The following WNT7B variants were observed in gnomAD, a reference collection of about 807,000 sequenced individuals.
WNT7B encodes the protein Wnt family member 7B, also known as protein Wnt-7b.
In WNT7B, 19 loss-of-function variants were observed where a neutral mutation model predicts 38.2. The ratio of observed to expected loss-of-function variants is 0.50; its 90% CI spans 0.35 to 0.73. The LOEUF is 0.73. Among genes scored for constraint, WNT7B ranks in the 30% least tolerant of loss-of-function variants. The probability of loss-of-function intolerance (pLI) is 0.01; values close to 1 mark genes in which losing one functional copy is unlikely to be tolerated. For synonymous variants in WNT7B, 243 were observed against 209.3 expected (o/e 1.16, Z -1.39); for missense variants, 423 against 507.9 (o/e 0.83, Z 1.61).
At chr22:45,927,310 G>A (rs1361194884) in intron 3 of WNT7B, 2 of 985,266 alleles carry the variant, frequency 2.0e-6, no homozygotes, top group Admixed American at 6.1e-5. Flanking sequence ...CGCCCCCCAG[G>A]GAGCTTGGGG....
intron 2 of WNT7B, among the ~76,000 whole-genome samples, chr22:45,948,827 CTTTT>C (rs749735538): frequency 0.01 from 906 of 90,186 alleles, 28 homozygotes; most frequent in African/African-American, 0.033. Context: ...CCAAAGATCC[CTTTT>C]TTTTTTTTTT....
At chr22:45,931,976 C>T (rs1247243314) in intron 2 of WNT7B, among the ~76,000 whole-genome samples, 2 of 152,182 alleles carry the variant, frequency 1.3e-5, no homozygotes, top group African/African-American at 4.8e-5. Context: ...TTGGTCCACC[C>T]GCCTTCAGTC....
At chr22:45,950,228 CCT>C in intron 1 of WNT7B, 82 bp from the exon 2 acceptor site, 1 of 1,246,986 alleles carries the variant, frequency 8.0e-7, no homozygotes, top group East Asian at 2.5e-5. Flanking sequence ...CCCCACTCAG[CCT>C]CTCAGTCACA....
intron 1 of WNT7B, chr22:45,954,651 A>G: frequency 4.1e-6 from 4 of 985,450 alleles, no homozygotes; most frequent in Non-Finnish European, 4.8e-6. Flanking sequence ...GCATCAGGGA[A>G]TAGAATACAG....
chr22:45,922,689 C>G lies in WNT7B; in HGVS notation c.*167G>C. Reference sequence around the variant, plus strand: ...GTGGCAGGAAGGAGCCCCAGGGAGGCGGGCAGAGGGCGTGGGCCCCGGCCG... The same window carrying G: ...GTGGCAGGAAGGAGCCCCAGGGAGGGGGGCAGAGGGCGTGGGCCCCGGCCG... On this transcript the variant is annotated 3_prime_UTR_variant, in exon 4 of 4. Transcript: ENST00000339464. The G allele has an allele frequency of 9.0e-7, 1 of 1,117,064 alleles. No individual in the cohort carries two copies. Among genetic ancestry groups the G allele is most frequent in the Non-Finnish European group, 1.2e-6 (1 of 810,142 alleles). The allele number at this position is 1,117,064 out of a possible 1,614,324, so 69.2% of individuals were successfully genotyped here.
chr22:45,926,276 A>G, intron 3 of WNT7B: 3 of 985,334 alleles, frequency 3.0e-6, no homozygotes, highest in Non-Finnish European at 3.6e-6. Flanking sequence ...CCCCTGCCCC[A>G]AGAGACCACC....
Position 45,968,625 on chromosome 22 carries a change from C to T in WNT7B, c.71+8059G>A, listed in dbSNP as rs146588179. Among the ~76,000 whole-genome samples the T allele has an allele frequency of 2.2e-3, 329 of 152,348 alleles. 3 individuals carry two copies. Among genetic ancestry groups the T allele is most frequent in the African/African-American group, 7.3e-3 (304 of 41,594 alleles). Reference sequence around the variant, plus strand: ...CAGGACCTCCTGTCCTCCCTCTGCACACAGACGGTCCAGGATGCACATTCT... The same window carrying T: ...CAGGACCTCCTGTCCTCCCTCTGCATACAGACGGTCCAGGATGCACATTCT... On this transcript the variant is annotated intron_variant, in intron 1 of 3. Transcript: ENST00000339464.
At chr22:45,935,656 C>T (rs1021247208) in intron 2 of WNT7B, among the ~76,000 whole-genome samples, 1 of 152,198 alleles carries the variant, frequency 6.6e-6, no homozygotes, top group African/African-American at 2.4e-5. Flanking sequence ...TTTTCTGTAC[C>T]TCCCACCCAT....
At chr22:45,974,936 G>A (rs1043368138) in intron 1 of WNT7B, among the ~76,000 whole-genome samples, 25 of 152,258 alleles carry the variant, frequency 1.6e-4, no homozygotes, top group Middle Eastern at 3.4e-3. Context: ...AGGGTGGACC[G>A]TCAGCTCCTT....
intron 3 of WNT7B, chr22:45,927,539 C>T (rs201238058): frequency 7.8e-5 from 117 of 1,492,818 alleles, no homozygotes; most frequent in African/African-American, 7.1e-4. Flanking sequence ...AAGGAAACAA[C>T]GGAGAGGAGG....
chr22:45,943,357 G>A (rs969884712), intron 2 of WNT7B, among the ~76,000 whole-genome samples: 6 of 152,252 alleles, frequency 3.9e-5, no homozygotes, highest in Admixed American at 2.0e-4. Context: ...CCGTGCGCCC[G>A]AGGCCTTTGT....
chr22:45,947,517 T>G (rs1931825113), intron 2 of WNT7B, among the ~76,000 whole-genome samples: 1 of 151,974 alleles, frequency 6.6e-6, no homozygotes, highest in South Asian at 2.1e-4. Context: ...AGGCCAGAGG[T>G]TCGCATGGGT....
intron 2 of WNT7B, among the ~76,000 whole-genome samples, chr22:45,946,708 A>G (rs1488424569): frequency 6.6e-6 from 1 of 152,188 alleles, no homozygotes; most frequent in Non-Finnish European, 1.5e-5. Flanking sequence ...CCAGGGGCCC[A>G]GGGCAAAGCC....
At chr22:45,938,496 G>A (rs1931566098) in intron 2 of WNT7B, among the ~76,000 whole-genome samples, 1 of 152,114 alleles carries the variant, frequency 6.6e-6, no homozygotes, top group Non-Finnish European at 1.5e-5. Context: ...AATTAGCCAG[G>A]CGTGGTGGTG....
chr22:45,936,840 G>A (rs984596784), intron 2 of WNT7B, among the ~76,000 whole-genome samples: 1 of 152,238 alleles, frequency 6.6e-6, no homozygotes, highest in Non-Finnish European at 1.5e-5. Context: ...CCTGAACAAA[G>A]CCAGGGCTTG....
At chr22:45,928,354 C>G (rs2146707512) in intron 3 of WNT7B, among the ~76,000 whole-genome samples, 1 of 152,336 alleles carries the variant, frequency 6.6e-6, no homozygotes, top group East Asian at 1.9e-4. Flanking sequence ...CCACCCTCGG[C>G]CTTCTCCAAG....
Position 45,966,096 on chromosome 22 carries a change from AG to A in WNT7B, c.71+10587del, listed in dbSNP as rs1170137233. Among the ~76,000 whole-genome samples, 1 of 152,076 alleles carries A rather than the reference AG, an allele frequency of 6.6e-6. No homozygotes were observed. Among genetic ancestry groups the A allele is most frequent in the Non-Finnish European group, 1.5e-5 (1 of 68,004 alleles). On this transcript the variant is annotated intron_variant, in intron 1 of 3. Transcript: ENST00000339464. The surrounding 1 kb of genome is among the most constrained non-coding windows in gnomAD (Gnocchi z 4.2). ...CTAGCTCCCCTTCTCTGGCAGCCCG[AG>A]GGGGACACAGATTCCAAAGCAGACC...
chr22:45,970,921 G>C (rs115678963), intron 1 of WNT7B, among the ~76,000 whole-genome samples: 1 of 152,260 alleles, frequency 6.6e-6, no homozygotes, highest in South Asian at 2.1e-4. Context: ...TGCCCGCCGG[G>C]CCTGGAGCGC....
rs1218268885 is a variant in WNT7B at position 45,975,369 on chromosome 22, C to T, written c.71+1315G>A. Among the ~76,000 whole-genome samples the T allele has an allele frequency of 6.6e-6, 1 of 152,092 alleles. No individual in the cohort carries two copies. Among genetic ancestry groups the T allele is most frequent in the East Asian group, 1.9e-4 (1 of 5,184 alleles). On this transcript the variant is annotated intron_variant, in intron 1 of 3. Transcript: ENST00000339464. This position sits in a 1 kb window ranked among gnomAD's most constrained non-coding sequence, Gnocchi z 6.6. ...CTCAATGCCCCGCACCCCTCACCTC[C>T]ATAAACAAACACCCAGGGACACAGC...
Sources: gnomAD v4.1 joint callset for allele counts (sites outside exome capture counted in the v4.1 genomes callset) on GRCh38, gnomAD v4.1.1 for gene constraint, Gnocchi (gnomAD v3.1) non-coding constraint, MANE v1.5 for transcripts, NCBI Gene and HGNC (gene_info 2026-07-23, HGNC 2026-07-21) for gene names.